PTPRO: variants seen among roughly 807,000 people sequenced by gnomAD.
PTPRO encodes receptor-type tyrosine-protein phosphatase O.
Under a neutral mutation model 145.2 loss-of-function variants are expected in PTPRO, and 62 were observed. The ratio of observed to expected loss-of-function variants is 0.43; its 90% CI spans 0.35 to 0.53. PTPRO has a LOEUF of 0.53. PTPRO is among the 20% of genes least tolerant of loss of function. The probability of loss-of-function intolerance (pLI) is 0.01; values close to 1 mark genes in which losing one functional copy is unlikely to be tolerated. For synonymous variants in PTPRO, 565 were observed against 514.7 expected, an observed-to-expected ratio of 1.10 and a Z score of -1.32; for missense variants, 1,345 against 1,482.7, an observed-to-expected ratio of 0.91 and a Z score of 1.53.
chr12:15,437,136 C>G (rs1245469808), intron 1 of PTPRO, among the ~76,000 whole-genome samples: 2 of 151,788 alleles, frequency 1.3e-5, no homozygotes, highest in African/African-American at 4.8e-5. Flanking sequence ...CTCTGTGCTC[C>G]ATGCCCAAGC....
intron 16 of PTPRO, 21 bp from the exon 17 acceptor site, chr12:15,560,172 G>A: frequency 6.5e-7 from 1 of 1,529,662 alleles, no homozygotes; most frequent in Non-Finnish European, 9.1e-7. Flanking sequence ...CTTTCCATCT[G>A]TTGTCTATTA....
At chr12:15,329,048 T>C (rs1477502602) in intron 1 of PTPRO, among the ~76,000 whole-genome samples, 3 of 152,234 alleles carry the variant, frequency 2.0e-5, no homozygotes, top group Non-Finnish European at 4.4e-5. Flanking sequence ...TTGTTTTATT[T>C]TCCTCTTTCT....
chr12:15,432,037 G>C (rs1940455053), intron 1 of PTPRO, among the ~76,000 whole-genome samples: 1 of 152,056 alleles, frequency 6.6e-6, no homozygotes, highest in East Asian at 1.9e-4. Context: ...TATGTGTGCA[G>C]GTTGGTTATA....
intron 1 of PTPRO, among the ~76,000 whole-genome samples, chr12:15,353,419 T>G (rs1937877112): frequency 6.6e-6 from 1 of 152,110 alleles, no homozygotes; most frequent in South Asian, 2.1e-4. Flanking sequence ...ATGCAGTTTT[T>G]TTTTTTACAT....
intron 5 of PTPRO, among the ~76,000 whole-genome samples, chr12:15,502,683 C>G (rs1026826400): frequency 3.3e-5 from 5 of 152,134 alleles, no homozygotes; most frequent in Admixed American, 2.6e-4. Context: ...ATCTGAGGTT[C>G]ATTCTTTATA....
In PTPRO at chr12:15,499,495, A is replaced by G. The variant is rs145990188; in HGVS notation, c.562A>G (p.Ser188Gly). The G allele has an allele frequency of 3.7e-5, 60 of 1,613,376 alleles. No homozygotes were observed. Among genetic ancestry groups the G allele is most frequent in the Non-Finnish European group, 5.1e-5 (60 of 1,179,354 alleles). ...TCACTGGCTGCCAGGAATGTGTTAT[A>G]GTAATATCACCTTTCAGCTGGTATC... ...FNHWLPGMCYSNITFQLVSEA... is the reference protein window; with the variant it reads ...FNHWLPGMCYGNITFQLVSEA... Residue 188 changes from serine (S) to glycine (G), a missense_variant, in exon 4 of 27, where the codon AGT becomes GGT. Physicochemically the swap from Ser to Gly is moderately conservative, Grantham distance 56 (BLOSUM62 0). Transcript: ENST00000281171.
intron 15 of PTPRO, among the ~76,000 whole-genome samples, chr12:15,554,585 G>T (rs1371241766): frequency 2.0e-5 from 3 of 152,260 alleles, no homozygotes; most frequent in East Asian, 1.9e-4. Flanking sequence ...GTCCAATGTT[G>T]AAGGGCAGGA....
In PTPRO at chr12:15,551,756, T is replaced by C. The variant is rs1943467195; in HGVS notation, c.2558+85T>C. 3.5e-6 allele frequency: 5 copies of C among 1,447,196 alleles called. No individual in the cohort carries two copies. The Admixed American group carries it at 8.7e-5, about 25-fold the overall frequency. 89.6% of individuals were successfully genotyped at this position (1,447,196 alleles called of 1,614,324 possible). ...TATATATTGTTTTTGCACACCTAAG[T>C]TGTATAGCGGTATATTGGATTTTAG... On this transcript the variant is annotated intron_variant, in intron 15 of 26. Coordinates refer to ENST00000281171, the MANE Select transcript of PTPRO (RefSeq NM_030667.3).
rs547029457 is a variant in PTPRO at position 15,401,335 on chromosome 12, A to G, written c.75+78534A>G. ...ATGCAACTATAAGTGACTGCAAGGAAAAGCCATATTTTAATTGACAGCTGT... is the reference window on the plus strand; with the variant it reads ...ATGCAACTATAAGTGACTGCAAGGAGAAGCCATATTTTAATTGACAGCTGT... On this transcript the variant is annotated intron_variant, in intron 1 of 26. Coordinates refer to ENST00000281171, the MANE Select transcript of PTPRO (RefSeq NM_030667.3). Among the ~76,000 whole-genome samples the G allele has an allele frequency of 2.0e-5, 3 of 152,362 alleles. No homozygotes were observed. The East Asian group carries it at 5.8e-4, about 29-fold the overall frequency.
chr12:15,340,073 T>C (rs1317407045), intron 1 of PTPRO, among the ~76,000 whole-genome samples: 1 of 152,184 alleles, frequency 6.6e-6, no homozygotes, highest in East Asian at 1.9e-4. Flanking sequence ...ATCCCTACCA[T>C]TGACTGAGTG....
chr12:15,437,767 T>C (rs1365238777), intron 1 of PTPRO, among the ~76,000 whole-genome samples: 1 of 152,222 alleles, frequency 6.6e-6, no homozygotes, highest in African/African-American at 2.4e-5. Context: ...GGTGGTTTCC[T>C]GACTCCACAT....
At chr12:15,479,395 C>T (rs976324177) in intron 1 of PTPRO, among the ~76,000 whole-genome samples, 12 of 152,308 alleles carry the variant, frequency 7.9e-5, no homozygotes, top group African/African-American at 2.6e-4. Context: ...TGTAATCAGC[C>T]AGCTGGACAG....
At chr12:15,510,575 C>G (rs543299762) in intron 7 of PTPRO, among the ~76,000 whole-genome samples, 1 of 152,096 alleles carries the variant, frequency 6.6e-6, no homozygotes, top group Non-Finnish European at 1.5e-5. Flanking sequence ...TGTACTTTTA[C>G]AATATCTTCT....
intron 1 of PTPRO, among the ~76,000 whole-genome samples, chr12:15,454,717 C>G (rs1397095689): frequency 6.6e-6 from 1 of 152,088 alleles, no homozygotes; most frequent in East Asian, 1.9e-4. Context: ...AATTTCATGT[C>G]TCGTGTTTAA....
intron 1 of PTPRO, among the ~76,000 whole-genome samples, chr12:15,400,075 C>T (rs1361015319): frequency 6.8e-6 from 1 of 147,520 alleles, no homozygotes; most frequent in African/African-American, 2.5e-5. Flanking sequence ...AAAAAAGAGC[C>T]AGGTTCGAGG....
intron 2 of PTPRO, among the ~76,000 whole-genome samples, chr12:15,494,754 C>A (rs1336738679): frequency 6.6e-6 from 1 of 152,144 alleles, no homozygotes; most frequent in African/African-American, 2.4e-5. Flanking sequence ...AAAGTTTGAC[C>A]GTGGCTTTGA....
At chr12:15,515,981 TTTTTTGTTTTG>T (rs1374283903) in intron 8 of PTPRO, among the ~76,000 whole-genome samples, 6 of 132,182 alleles carry the variant, frequency 4.5e-5, no homozygotes, top group Non-Finnish European at 7.9e-5. Flanking sequence ...GTCTGGTTTT[TTTTTTGTTTTG>T]TTTTTTTTTT....
At chr12:15,431,160 T>C (rs536704296) in intron 1 of PTPRO, among the ~76,000 whole-genome samples, 2 of 152,218 alleles carry the variant, frequency 1.3e-5, no homozygotes, top group Non-Finnish European at 2.9e-5. Context: ...AAAAAGTGGA[T>C]ATTTCCATCA....
chr12:15,571,447 C>T (rs1591753448), intron 19 of PTPRO, among the ~76,000 whole-genome samples: 1 of 152,084 alleles, frequency 6.6e-6, no homozygotes, highest in African/African-American at 2.4e-5. Flanking sequence ...ACCACCATGC[C>T]CGGCTAACTT....
Sources: gnomAD v4.1 joint callset for allele counts (sites outside exome capture counted in the v4.1 genomes callset) on GRCh38, gnomAD v4.1.1 for gene constraint, MANE v1.5 for transcripts, NCBI Gene and HGNC (gene_info 2026-07-23, HGNC 2026-07-21) for gene names.